Variants in CHCHD6 observed in about 807,000 individuals in gnomAD.
CHCHD6 encodes MICOS complex subunit MIC25.
In CHCHD6, 28 loss-of-function variants were observed where a neutral mutation model predicts 32.3. That is an observed-to-expected ratio of 0.87 (90% CI 0.64 to 1.19). CHCHD6 has a LOEUF of 1.19. Among genes scored for constraint, CHCHD6 ranks in the 50% most tolerant of loss-of-function variants. CHCHD6 has a pLI of 0.00. For synonymous variants in CHCHD6, 122 were observed against 117.5 expected, an observed-to-expected ratio of 1.04 and a Z score of -0.25; for missense variants, 333 against 307.0, an observed-to-expected ratio of 1.08 and a Z score of -0.63.
chr3:126,766,677 G>A lies in CHCHD6; in HGVS notation c.411+33455G>A, dbSNP rs1442081689. The stretch of plus-strand genomic sequence containing the variant: ...CTCTCTCGGTGGCCACAATGATGCT[G>A]CTCTTCCCACAAGCCAGGCTCTGGA... On this transcript the variant is annotated intron_variant, in intron 4 of 7. Transcript: ENST00000290913. 46 of 1,071,812 alleles carry A rather than the reference G, an allele frequency of 4.3e-5. No homozygotes were observed. The South Asian group carries it at 5.3e-4, about 12-fold the overall frequency. 66.4% of individuals were successfully genotyped at this position (1,071,812 alleles called of 1,614,324 possible).
intron 5 of CHCHD6, among the ~76,000 whole-genome samples, chr3:126,853,707 C>T (rs1019000370): frequency 2.0e-5 from 3 of 152,166 alleles, no homozygotes; most frequent in East Asian, 1.9e-4. Flanking sequence ...ATGAACACAG[C>T]GTGCTGATGG....
intron 4 of CHCHD6, among the ~76,000 whole-genome samples, chr3:126,802,863 C>G (rs9844138): frequency 0.047 from 7,146 of 152,238 alleles, 303 homozygotes; most frequent in South Asian, 0.19. Context: ...AACAGCTGAT[C>G]TCTCAGCAGA....
At chr3:126,939,529 G>A (rs919879313) in intron 6 of CHCHD6, among the ~76,000 whole-genome samples, 1 of 152,118 alleles carries the variant, frequency 6.6e-6, no homozygotes, top group Non-Finnish European at 1.5e-5. Context: ...CAGGAGATGT[G>A]GGGGGACACA....
intron 5 of CHCHD6, among the ~76,000 whole-genome samples, chr3:126,913,258 T>C (rs2078122103): frequency 7.4e-6 from 1 of 134,976 alleles, no homozygotes; most frequent in Non-Finnish European, 1.6e-5. Context: ...AGACGGAGTT[T>C]CACTTTTGTC....
chr3:126,711,648 G>A (rs1009999787), intron 1 of CHCHD6, among the ~76,000 whole-genome samples: 2 of 152,196 alleles, frequency 1.3e-5, no homozygotes, highest in Non-Finnish European at 2.9e-5. Context: ...GTGCAAGATA[G>A]AGATATGATG....
intron 4 of CHCHD6, among the ~76,000 whole-genome samples, chr3:126,768,501 T>C (rs1937468469): frequency 1.3e-5 from 2 of 152,232 alleles, no homozygotes; most frequent in African/African-American, 4.8e-5. Context: ...GGTATTTCTT[T>C]ATAGCTGTGC....
chr3:126,867,684 A>G (rs1942333815), intron 5 of CHCHD6, among the ~76,000 whole-genome samples: 2 of 152,112 alleles, frequency 1.3e-5, no homozygotes, highest in Non-Finnish European at 2.9e-5. Context: ...GCAATCTGAT[A>G]TTAGCCATTG....
intron 6 of CHCHD6, among the ~76,000 whole-genome samples, chr3:126,932,447 G>A (rs2078419333): frequency 6.6e-6 from 1 of 152,218 alleles, no homozygotes; most frequent in Non-Finnish European, 1.5e-5. Context: ...TCCCCCCAGG[G>A]AAAGCCTCTA....
intron 4 of CHCHD6, among the ~76,000 whole-genome samples, chr3:126,837,633 C>T (rs373259547): frequency 1.3e-5 from 2 of 152,168 alleles, no homozygotes; most frequent in African/African-American, 4.8e-5. Context: ...GTTAATGGAA[C>T]ACTTAAGGAA....
At chr3:126,879,735 A>G (rs2077584269) in intron 5 of CHCHD6, among the ~76,000 whole-genome samples, 2 of 152,226 alleles carry the variant, frequency 1.3e-5, no homozygotes, top group Non-Finnish European at 2.9e-5. Flanking sequence ...CTGATGTGAA[A>G]TATCCTGAGT....
At chr3:126,926,226 C>T (rs2078322491) in intron 6 of CHCHD6, among the ~76,000 whole-genome samples, 1 of 152,242 alleles carries the variant, frequency 6.6e-6, no homozygotes, top group Non-Finnish European at 1.5e-5. Flanking sequence ...TACATGGCTG[C>T]CACTTACATG....
At chr3:126,858,369 G>C (rs1941736149) in intron 5 of CHCHD6, among the ~76,000 whole-genome samples, 1 of 152,104 alleles carries the variant, frequency 6.6e-6, no homozygotes, top group Non-Finnish European at 1.5e-5. Context: ...GGTGTGTTCA[G>C]TTGCTGAGAG....
chr3:126,813,672 T>C (rs2107532707), intron 4 of CHCHD6, among the ~76,000 whole-genome samples: 1 of 152,328 alleles, frequency 6.6e-6, no homozygotes, highest in East Asian at 1.9e-4. Context: ...CCCACTCTCA[T>C]GACCTATCTA....
chr3:126,733,173 C>A lies in CHCHD6; in HGVS notation c.362C>A (p.Pro121His). Residue 121 changes from proline to histidine, a missense_variant, in exon 4 of 8, where the codon CCC becomes CAC. Coordinates refer to ENST00000290913, the MANE Select transcript of CHCHD6 (RefSeq NM_032343.3). ...AATKHSKASL[P>H]TGEGSISHEE... Reference sequence around the variant, plus strand: ...ACCAAGCACTCCAAGGCATCCCTGCCCACGGGCGAAGGCAGCATCAGCCAT... The same window carrying A: ...ACCAAGCACTCCAAGGCATCCCTGCACACGGGCGAAGGCAGCATCAGCCAT... 1 of 1,614,202 alleles carries A rather than the reference C, an allele frequency of 6.2e-7. No individual in the cohort carries two copies. Among genetic ancestry groups the A allele is most frequent in the Non-Finnish European group, 8.5e-7 (1 of 1,180,032 alleles).
chr3:126,789,654 C>T (rs967712156), intron 4 of CHCHD6, among the ~76,000 whole-genome samples: 4 of 152,000 alleles, frequency 2.6e-5, no homozygotes, highest in Non-Finnish European at 5.9e-5. Flanking sequence ...TAATCCCTGC[C>T]TTTTTTGTTT....
chr3:126,754,157 T>C (rs1936853637), intron 4 of CHCHD6, among the ~76,000 whole-genome samples: 1 of 152,132 alleles, frequency 6.6e-6, no homozygotes, highest in Non-Finnish European at 1.5e-5. Context: ...AGGTAGCAGG[T>C]AGTAGAAAAG....
intron 1 of CHCHD6, among the ~76,000 whole-genome samples, chr3:126,719,167 G>A (rs1034411195): frequency 1.3e-5 from 2 of 152,166 alleles, no homozygotes; most frequent in African/African-American, 2.4e-5. Context: ...TGGCTTGATC[G>A]TCTGGTCCCT....
intron 4 of CHCHD6, among the ~76,000 whole-genome samples, chr3:126,850,088 C>T (rs1026163169): frequency 1.1e-4 from 16 of 152,172 alleles, no homozygotes; most frequent in African/African-American, 3.9e-4. Context: ...AGCCATTTTT[C>T]GTGTCACCTC....
Position 126,781,021 on chromosome 3 carries a change from A to G in CHCHD6, c.411+47799A>G, listed in dbSNP as rs868765044. Among the ~76,000 whole-genome samples, 11 of 152,238 alleles carry G rather than the reference A, an allele frequency of 7.2e-5. No individual in the cohort carries two copies. In the Middle Eastern group the frequency reaches 0.017, roughly 235 times the overall value. On this transcript the variant is annotated intron_variant, in intron 4 of 7. Transcript: ENST00000290913. Reference sequence around the variant, plus strand: ...GCACATGTCTCATTGGCTGGAGCTGAGACCTGTGACCATCTCAGACCCACC... The same window carrying G: ...GCACATGTCTCATTGGCTGGAGCTGGGACCTGTGACCATCTCAGACCCACC...
Sources: allele counts gnomAD v4.1 joint callset (sites outside exome capture counted in the v4.1 genomes callset), GRCh38; gene constraint gnomAD v4.1.1; transcripts MANE v1.5; gene names NCBI Gene and HGNC (gene_info 2026-07-23, HGNC 2026-07-21).